Variants in KCNT2 observed in about 807,000 individuals in gnomAD.
The protein encoded by KCNT2 is potassium channel subfamily T member 2.
Under a neutral mutation model 153.8 loss-of-function variants are expected in KCNT2, and 67 were observed. The ratio of observed to expected loss-of-function variants is 0.44; its 90% CI spans 0.36 to 0.53. The LOEUF (loss-of-function observed/expected upper bound fraction) is 0.53, where lower values mean the gene tolerates loss of function less well. KCNT2 is among the 20% of genes least tolerant of loss of function. The pLI is 0.00. For missense variants in KCNT2, 975 were observed against 1,354.8 expected (o/e 0.72, Z 4.40); for synonymous variants, 500 against 458.8 (o/e 1.09, Z -1.15).
intron 14 of KCNT2, among the ~76,000 whole-genome samples, chr1:196,359,793 T>TA (rs1216168900): frequency 6.6e-6 from 1 of 151,700 alleles, no homozygotes; most frequent in Non-Finnish European, 1.5e-5. Context: ...GAAACAGCAT[T>TA]AAAAAAAGAT....
chr1:196,358,387 C>G (rs888669299), intron 14 of KCNT2, among the ~76,000 whole-genome samples: 39 of 151,564 alleles, frequency 2.6e-4, no homozygotes, highest in Non-Finnish European at 5.5e-4. Context: ...TTTGTTATGA[C>G]CCTTTTATCC....
chr1:196,473,817 T>C (rs1364540677), intron 5 of KCNT2, among the ~76,000 whole-genome samples: 2 of 152,154 alleles, frequency 1.3e-5, no homozygotes, highest in East Asian at 3.9e-4. Flanking sequence ...AATGCTAGTA[T>C]GGTGAAAAAA....
rs1653554468 is a variant in KCNT2 at position 196,227,194 on chromosome 1, A to C, written c.*1030T>G. The stretch of plus-strand genomic sequence containing the variant: ...AGTCAAAAATTTTAATACATCCTTC[A>C]TTGAGTGTTATTGTTTCATTACCAA... On this transcript the variant is annotated 3_prime_UTR_variant, in exon 28 of 28. Coordinates refer to ENST00000294725, the MANE Select transcript of KCNT2 (RefSeq NM_198503.5). 1 of 151,980 alleles carries C rather than the reference A, an allele frequency of 6.6e-6. No homozygotes were observed. Among genetic ancestry groups the C allele is most frequent in the Non-Finnish European group, 1.5e-5 (1 of 67,864 alleles). The allele number at this position is 151,980 out of a possible 1,614,324, so 9.4% of individuals were successfully genotyped here. A position where few individuals can be genotyped will look rare whatever the true frequency, so the allele number is the denominator to read the frequency against.
intron 13 of KCNT2, among the ~76,000 whole-genome samples, chr1:196,387,929 C>CT (rs1171819729): frequency 0.034 from 4,402 of 130,584 alleles, 90 homozygotes; most frequent in Middle Eastern, 0.054. Flanking sequence ...GCCAATTTTT[C>CT]TTTTTTTTTT....
chr1:196,294,228 G>C (rs934188400), intron 22 of KCNT2, among the ~76,000 whole-genome samples: 18 of 152,146 alleles, frequency 1.2e-4, no homozygotes, highest in Non-Finnish European at 1.3e-4. Context: ...GGAGCAAAGA[G>C]AACCCTTTGC....
At chr1:196,444,363 T>C (rs1675504963) in intron 8 of KCNT2, among the ~76,000 whole-genome samples, 1 of 151,408 alleles carries the variant, frequency 6.6e-6, no homozygotes, top group South Asian at 2.1e-4. Flanking sequence ...TTCTAAGAAT[T>C]ATGTTTCCCT....
intron 3 of KCNT2, among the ~76,000 whole-genome samples, chr1:196,484,302 A>G (rs1679242890): frequency 6.6e-6 from 1 of 151,670 alleles, no homozygotes; most frequent in Non-Finnish European, 1.5e-5. Flanking sequence ...CAATATGTTC[A>G]TTGGCTGTGT....
chr1:196,601,210 C>A (rs926735307), intron 1 of KCNT2, among the ~76,000 whole-genome samples: 1 of 152,190 alleles, frequency 6.6e-6, no homozygotes, highest in African/African-American at 2.4e-5. Context: ...ATCTTCTCAT[C>A]CTTACACCTC....
intron 1 of KCNT2, among the ~76,000 whole-genome samples, chr1:196,578,555 T>G (rs1210111587): frequency 6.6e-6 from 1 of 152,156 alleles, no homozygotes; most frequent in African/African-American, 2.4e-5. Flanking sequence ...GAGTTGGCAC[T>G]TCCGCTTATG....
intron 19 of KCNT2, among the ~76,000 whole-genome samples, chr1:196,321,269 C>T (rs1245799635): frequency 6.6e-6 from 1 of 151,786 alleles, no homozygotes; most frequent in Non-Finnish European, 1.5e-5. Context: ...ATTGGAGAAG[C>T]ACATAGGAGG....
At chr1:196,383,850 A>G (rs1669715921) in intron 13 of KCNT2, among the ~76,000 whole-genome samples, 1 of 152,200 alleles carries the variant, frequency 6.6e-6, no homozygotes, top group Non-Finnish European at 1.5e-5. Flanking sequence ...TTGGAGTCAC[A>G]TGGCATGAGT....
intron 4 of KCNT2, among the ~76,000 whole-genome samples, chr1:196,481,974 A>T (rs538781582): frequency 3.0e-4 from 45 of 152,310 alleles, no homozygotes; most frequent in African/African-American, 1.1e-3. Flanking sequence ...AATACAAGGT[A>T]AAAAGCAAAC....
chr1:196,477,929 A>G (rs914384989), intron 5 of KCNT2, among the ~76,000 whole-genome samples: 1 of 152,160 alleles, frequency 6.6e-6, no homozygotes, highest in African/African-American at 2.4e-5. Flanking sequence ...TCTCCCTCTC[A>G]AAAGTTCCAG....
intron 8 of KCNT2, among the ~76,000 whole-genome samples, chr1:196,458,381 C>T (rs1187430261): frequency 6.6e-6 from 1 of 151,826 alleles, no homozygotes. Flanking sequence ...TAAGAATATA[C>T]TGTGGAGTTT....
At chr1:196,476,022 GTCA>G (rs1440786412) in intron 5 of KCNT2, among the ~76,000 whole-genome samples, 10 of 152,156 alleles carry the variant, frequency 6.6e-5, no homozygotes, top group Non-Finnish European at 1.2e-4. Flanking sequence ...GATTATAAAT[GTCA>G]TCATCATATG....
intron 22 of KCNT2, among the ~76,000 whole-genome samples, chr1:196,290,259 G>T (rs1660064379): frequency 6.6e-6 from 1 of 151,898 alleles, no homozygotes; most frequent in Non-Finnish European, 1.5e-5. Flanking sequence ...CTTTCTTACA[G>T]TGTTTGACAA....
At chr1:196,365,127 A>G (rs982001729) in intron 14 of KCNT2, among the ~76,000 whole-genome samples, 9 of 152,078 alleles carry the variant, frequency 5.9e-5, no homozygotes, top group African/African-American at 2.2e-4. Flanking sequence ...ATTTCAAAAT[A>G]TCCTTGTAAT....
At chr1:196,456,258 T>C (rs181152404) in intron 8 of KCNT2, among the ~76,000 whole-genome samples, 8 of 151,892 alleles carry the variant, frequency 5.3e-5, no homozygotes, top group Admixed American at 5.3e-4. Flanking sequence ...ACACTTTAAG[T>C]AGGGCACTCC....
rs190785232 is a variant in KCNT2 at position 196,343,775 on chromosome 1, A to G, written c.1404-1547T>C. On this transcript the variant is annotated intron_variant, in intron 14 of 27. Coordinates refer to ENST00000294725, the MANE Select transcript of KCNT2 (RefSeq NM_198503.5). ...TTTTGTTTTGTTTTGTTTTGTTTTT[A>G]TTTTTATTTATTTGTGTGTTTTTAG... Among the ~76,000 whole-genome samples, 677 of 151,554 alleles carry G rather than the reference A, an allele frequency of 4.5e-3. 4 individuals are homozygous for G. The highest frequency in any genetic ancestry group is 0.015 in the African/African-American group (615 of 41,352).
Sources: allele counts gnomAD v4.1 joint callset (sites outside exome capture counted in the v4.1 genomes callset), GRCh38; gene constraint gnomAD v4.1.1; transcripts MANE v1.5; gene names NCBI Gene and HGNC (gene_info 2026-07-23, HGNC 2026-07-21).